NOL12: variants seen among roughly 807,000 people sequenced by gnomAD.
NOL12 encodes nucleolar protein 12.
In NOL12, 21 loss-of-function variants were observed where a neutral mutation model predicts 25.2. The observed-to-expected ratio is 0.83, with a 90% CI of 0.59 to 1.20. NOL12 has a LOEUF of 1.20. NOL12 is among the 50% of genes most tolerant of loss of function. The probability of loss-of-function intolerance (pLI) is 0.00; values close to 1 mark genes in which losing one functional copy is unlikely to be tolerated. For synonymous variants in NOL12, 133 were observed against 113.8 expected (o/e 1.17, Z -1.08); for missense variants, 286 against 287.6 (o/e 0.99, Z 0.04).
intron 2 of NOL12, 90 bp downstream of exon 2, chr22:37,688,105 G>A (rs1236693560): frequency 3.3e-6 from 4 of 1,228,630 alleles, no homozygotes. Flanking sequence ...GCTGGCATGG[G>A]GCGATGTGTG....
At chr22:37,689,271 C>T (rs1024347128) in intron 4 of NOL12, among the ~76,000 whole-genome samples, 1 of 152,230 alleles carries the variant, frequency 6.6e-6, no homozygotes, top group Non-Finnish European at 1.5e-5. Context: ...CAGGCTCCTT[C>T]ACCTTGCCTG....
chr22:37,689,795 A>G (rs1437280436), intron 4 of NOL12, among the ~76,000 whole-genome samples: 2 of 152,222 alleles, frequency 1.3e-5, no homozygotes, highest in Non-Finnish European at 2.9e-5. Context: ...TGGGAGGCCA[A>G]GGCGGGCGTT....
rs1319101808 is a variant in NOL12, at chr22:37,691,181, T to G, written c.487T>G (p.Ser163Ala). The G allele has an allele frequency of 6.2e-7, 1 of 1,608,524 alleles. No homozygotes were observed. The change falls in exon 6 of 6, where the codon TCC (serine) becomes GCC (alanine). Residue 163 changes from serine to alanine, a missense_variant. Coordinates refer to ENST00000359114, the MANE Select transcript of NOL12 (RefSeq NM_024313.3). ...RDPLLSQRIS[S>A]LTASLHAHSR... ...CTTTCTGCCCTCCCCTAGGATCTCCTCCCTCACAGCATCACTACATGCACA... is the reference window on the plus strand; with the variant it reads ...CTTTCTGCCCTCCCCTAGGATCTCCGCCCTCACAGCATCACTACATGCACA...
chr22:37,690,777 C>T lies in NOL12; in HGVS notation c.462C>T (p.Asp154=), dbSNP rs754052428. 1.2e-6 allele frequency: 2 copies of T among 1,613,286 alleles called. No homozygotes were observed. Among genetic ancestry groups the T allele is most frequent in the Non-Finnish European group, 1.7e-6 (2 of 1,179,426 alleles). The part of the protein sequence containing the change: ...PTKALPRKSR[D]PLLSQRISSL... ...AAGCCTTGCCCAGGAAGTCCAGAGA[C>T]CCCCTGCTCTCTCAGCGGTGAGTCT... Residue 154 remains aspartate, a synonymous_variant, in exon 5 of 6, where the codon GAC becomes GAT. Coordinates refer to ENST00000359114, the MANE Select transcript of NOL12 (RefSeq NM_024313.3).
chr22:37,693,463 C>G lies in NOL12; in HGVS notation c.*2127C>G, dbSNP rs1464216402. On this transcript the variant is annotated 3_prime_UTR_variant, in exon 6 of 6. Transcript: ENST00000359114. ...ATAGTGTTTACCAGTATTAAATTCT[C>G]AGCCACTCCTTTCCATGTGTGCCTT... The G allele has an allele frequency of 6.6e-6, 1 of 152,266 alleles. No individual in the cohort carries two copies. Among genetic ancestry groups the G allele is most frequent in the Non-Finnish European group, 1.5e-5 (1 of 68,048 alleles). 9.4% of individuals were successfully genotyped at this position (152,266 alleles called of 1,614,324 possible).
At chr22:37,688,098 G>T (rs893487570) in intron 2 of NOL12, 83 bp downstream of exon 2, 25 of 1,260,480 alleles carry the variant, frequency 2.0e-5, no homozygotes, top group Admixed American at 1.8e-4. Context: ...GGCAGCTGCT[G>T]GCATGGGGCG....
At chr22:37,689,306 G>A (rs903677391) in intron 4 of NOL12, among the ~76,000 whole-genome samples, 12 of 152,218 alleles carry the variant, frequency 7.9e-5, no homozygotes, top group Non-Finnish European at 1.6e-4. Flanking sequence ...TCAGTGAACT[G>A]GGGGTTGCTG....
chr22:37,688,485 G>A, intron 3 of NOL12, 125 bp downstream of exon 3: 1 of 993,370 alleles, frequency 1.0e-6, no homozygotes, highest in Admixed American at 1.9e-5. Flanking sequence ...CCTGGGGCCA[G>A]GGGTGGTCCT....
In NOL12 at chr22:37,690,167, G is replaced by A. The variant is rs543486907; in HGVS notation, c.382-530G>A. ...GCCTGGGCAAAAAGAGCAAAACTCC[G>A]TCTCAAAAAAAACTTAGCCAGGCAT... On this transcript the variant is annotated intron_variant, in intron 4 of 5. Transcript: ENST00000359114. Among the ~76,000 whole-genome samples, 71 of 150,258 alleles carry A rather than the reference G, an allele frequency of 4.7e-4. 1 individual carries two copies. The highest frequency in any genetic ancestry group is 7.1e-3 in the Middle Eastern group (2 of 282).
chr22:37,687,375 A>T (rs1295257993), intron 1 of NOL12, among the ~76,000 whole-genome samples: 1 of 150,078 alleles, frequency 6.7e-6, no homozygotes, highest in Non-Finnish European at 1.5e-5. Context: ...TCCTTTCTCT[A>T]ACCTTGGGCA....
intron 1 of NOL12, 185 bp from the exon 2 acceptor site, chr22:37,687,725 T>C: frequency 2.0e-6 from 1 of 491,084 alleles, no homozygotes; most frequent in South Asian, 2.1e-5. Context: ...TCCAAAGTAC[T>C]GGGATTACAG....
At chr22:37,687,704 C>A (rs982400424) in intron 1 of NOL12, 1 of 437,280 alleles carries the variant, frequency 2.3e-6, no homozygotes, top group African/African-American at 2.0e-5. Flanking sequence ...GTGATCTTCC[C>A]ACCTCGACCT....
chr22:37,689,094 C>A, intron 4 of NOL12, 102 bp downstream of exon 4: 1 of 1,409,104 alleles, frequency 7.1e-7, no homozygotes, highest in Non-Finnish European at 9.8e-7. Context: ...CACTGCCAGC[C>A]CTGGGAAGAA....
rs1364991789 is a variant in NOL12, at chr22:37,692,541, G to A, written c.*1205G>A. On this transcript the variant is annotated 3_prime_UTR_variant, in exon 6 of 6. Coordinates refer to ENST00000359114, the MANE Select transcript of NOL12 (RefSeq NM_024313.3). Reference sequence around the variant, plus strand: ...CAGCTTGTCAGTCCTGGGCAGGAGAGAATTTCAGGTTGTGCCTTGGTTAGA... The same window carrying A: ...CAGCTTGTCAGTCCTGGGCAGGAGAAAATTTCAGGTTGTGCCTTGGTTAGA... 1.0e-5 allele frequency: 4 copies of A among 398,574 alleles called. No homozygotes were observed. The highest frequency in any genetic ancestry group is 1.8e-5 in the Non-Finnish European group (4 of 226,114). The allele number at this position is 398,574 out of a possible 1,614,324, so 24.7% of individuals were successfully genotyped here.
In NOL12 at chr22:37,691,579, C is replaced by T. The variant is rs1186708588; in HGVS notation, c.*243C>T. The T allele has an allele frequency of 4.2e-6, 2 of 475,198 alleles. No individual in the cohort carries two copies. Among genetic ancestry groups the T allele is most frequent in the Non-Finnish European group, 7.4e-6 (2 of 271,900 alleles). The allele number at this position is 475,198 out of a possible 1,614,324, so 29.4% of individuals were successfully genotyped here. A position where few individuals can be genotyped will look rare whatever the true frequency, so the allele number is the denominator to read the frequency against. On this transcript the variant is annotated 3_prime_UTR_variant, in exon 6 of 6. Coordinates refer to ENST00000359114, the MANE Select transcript of NOL12 (RefSeq NM_024313.3). Reference sequence around the variant, plus strand: ...CTCCCCCAGGAAGAGCCTTCAGAGCCACGTGGGGGCATCTTCCCAAATGTG... The same window carrying T: ...CTCCCCCAGGAAGAGCCTTCAGAGCTACGTGGGGGCATCTTCCCAAATGTG...
chr22:37,691,098 G>C, intron 5 of NOL12, 76 bp from the exon 6 acceptor site: 1 of 1,508,302 alleles, frequency 6.6e-7, no homozygotes, highest in Non-Finnish European at 9.0e-7. Context: ...AACCTGTCCT[G>C]ACATCCCCTC....
At chr22:37,686,749 A>G in intron 1 of NOL12, 2 of 985,464 alleles carry the variant, frequency 2.0e-6, no homozygotes, top group Non-Finnish European at 2.4e-6. Context: ...ACCCTAGCCC[A>G]GCCCAGTCCA....
Position 37,691,295 on chromosome 22 carries a change from C to T in NOL12, c.601C>T (p.Arg201Cys), listed in dbSNP as rs757854451. The T allele has an allele frequency of 2.0e-5, 32 of 1,613,548 alleles. No individual in the cohort carries two copies. In the African/African-American group the frequency reaches 2.1e-4, roughly 11 times the overall value. The part of the protein sequence containing the change: ...PRAPRTSKAQ[R>C]RRLTGKARHS... ...GGCCCCTCGTACCAGCAAGGCCCAG[C>T]GCCGCCGTCTCACAGGCAAAGCACG... The change falls in exon 6 of 6, where the codon CGC becomes TGC. Residue 201 changes from arginine (R) to cysteine (C), a missense_variant. Physicochemically the swap from Arg to Cys is radical, Grantham distance 180. Coordinates refer to ENST00000359114, the MANE Select transcript of NOL12 (RefSeq NM_024313.3).
chr22:37,690,570 G>C, intron 4 of NOL12, 127 bp from the exon 5 acceptor site: 1 of 649,148 alleles, frequency 1.5e-6, no homozygotes. Flanking sequence ...GCCTTCTCTA[G>C]TCCCAACCCA....
Sources: allele counts gnomAD v4.1 joint callset (sites outside exome capture counted in the v4.1 genomes callset), GRCh38; gene constraint gnomAD v4.1.1; transcripts MANE v1.5; gene names NCBI Gene and HGNC (gene_info 2026-07-23, HGNC 2026-07-21).